SSH2: variants seen among roughly 807,000 people sequenced by gnomAD.
SSH2 encodes protein phosphatase Slingshot homolog 2.
Under a neutral mutation model 135.2 loss-of-function variants are expected in SSH2, and 37 were observed. The ratio of observed to expected loss-of-function variants is 0.27; its 90% confidence interval spans 0.21 to 0.36. SSH2 has a LOEUF of 0.36. Among genes scored for constraint, SSH2 ranks in the 10% least tolerant of loss-of-function variants. The pLI, the probability that SSH2 is intolerant of heterozygous loss-of-function variation, is 1.00. For synonymous variants in SSH2, 628 were observed against 646.2 expected (o/e 0.97, Z 0.43); for missense variants, 1,408 against 1,765.3 (o/e 0.80, Z 3.63).
chr17:29,736,814 AAT>A lies in SSH2; in HGVS notation c.189-33754_189-33753del, dbSNP rs1555623758. Among the ~76,000 whole-genome samples the A allele has an allele frequency of 1.3e-4, 17 of 128,124 alleles. 2 individuals are homozygous for A. The highest frequency in any genetic ancestry group is 5.1e-4 in the African/African-American group (17 of 33,032). The allele number at this position is 128,124 out of a possible 152,430, so 84.1% of individuals were successfully genotyped here. A position where few individuals can be genotyped will look rare whatever the true frequency, so the allele number is the denominator to read the frequency against. The stretch of plus-strand genomic sequence containing the variant: ...AAAAAAAAAAAAAAAAAAAAAAAAA[AAT>A]GGGCCGGGCATGGTGGCTCACGCCT... On this transcript the variant is annotated intron_variant, in intron 3 of 15. Transcript: ENST00000540801.
At chr17:29,735,696 CAAAAAAA>C (rs1246276444) in intron 3 of SSH2, among the ~76,000 whole-genome samples, 8 of 48,678 alleles carry the variant, frequency 1.6e-4, no homozygotes, top group East Asian at 5.8e-4. Context: ...GATTCTGTCT[CAAAAAAA>C]AAAAAAAAAA....
At chr17:29,871,578 G>A (rs2151421473) in intron 1 of SSH2, among the ~76,000 whole-genome samples, 1 of 152,134 alleles carries the variant, frequency 6.6e-6, no homozygotes, top group African/African-American at 2.4e-5. Context: ...AGTGCTTTCT[G>A]ATTCATTTGA....
chr17:29,688,149 T>G (rs1434596054), intron 5 of SSH2, among the ~76,000 whole-genome samples: 1 of 151,848 alleles, frequency 6.6e-6, no homozygotes, highest in East Asian at 1.9e-4. Flanking sequence ...TAAACGGGAT[T>G]ACGGGCACCT....
rs528462288 is a variant in SSH2 at position 29,775,518 on chromosome 17, A to G, written c.188+18376T>C. ...GAATTAGCATCAAATTCACTAAAAC[A>G]TTTTTCTTTTAATCAGTGAGGAAAC... On this transcript the variant is annotated intron_variant, in intron 3 of 15. Transcript: ENST00000540801. 7.2e-5 allele frequency among the ~76,000 whole-genome samples: 11 copies of G among 152,108 alleles called. No homozygotes were observed. In the South Asian group the frequency reaches 2.3e-3, roughly 32 times the overall value.
intron 12 of SSH2, 64 bp from the exon 13 acceptor site, chr17:29,650,864 G>GT (rs1322005295): frequency 7.2e-5 from 97 of 1,351,352 alleles, no homozygotes; most frequent in Non-Finnish European, 9.3e-5. Flanking sequence ...TCCCAGCACT[G>GT]TTTTTTCTTA....
rs566114209 is a variant in SSH2, at chr17:29,808,286, G to A, written c.145-14349C>T. On this transcript the variant is annotated intron_variant, in intron 2 of 15. Coordinates refer to ENST00000540801, the MANE Select transcript of SSH2 (RefSeq NM_001282129.2). ...AGGGATTACAGGCGCCCGCCATCACGCCTGGCTAATTTTTGTACTTTTAGT... is the reference window on the plus strand; with the variant it reads ...AGGGATTACAGGCGCCCGCCATCACACCTGGCTAATTTTTGTACTTTTAGT... Among the ~76,000 whole-genome samples the A allele has an allele frequency of 1.8e-4, 28 of 152,232 alleles. 1 individual carries two copies. In the South Asian group the frequency reaches 4.4e-3, roughly 24 times the overall value.
At chr17:29,929,025 A>T (rs1324732622) in intron 1 of SSH2, among the ~76,000 whole-genome samples, 1 of 152,180 alleles carries the variant, frequency 6.6e-6, no homozygotes, top group African/African-American at 2.4e-5. Flanking sequence ...GGTGCAATAT[A>T]TTGTTTTTAA....
At chr17:29,876,698 C>T (rs1280408706) in intron 1 of SSH2, among the ~76,000 whole-genome samples, 2 of 152,096 alleles carry the variant, frequency 1.3e-5, no homozygotes, top group East Asian at 3.8e-4. Context: ...CTCTATCTCT[C>T]ACCACATAAA....
intron 5 of SSH2, 92 bp from the exon 6 acceptor site, chr17:29,684,776 C>T (rs2038141768): frequency 8.2e-7 from 1 of 1,224,378 alleles, no homozygotes; most frequent in South Asian, 1.5e-5. Context: ...TTAAAGCATA[C>T]TCACGAAGGC....
rs1301971433 is a variant in SSH2, at chr17:29,632,179, T to G, written c.3015A>C (p.Thr1005=). 3 of 1,613,964 alleles carry G rather than the reference T, an allele frequency of 1.9e-6. No homozygotes were observed. Among genetic ancestry groups the G allele is most frequent in the Non-Finnish European group, 2.5e-6 (3 of 1,179,994 alleles). The stretch of plus-strand genomic sequence containing the variant: ...GATCCTTCAGGACTCCTTCCTGCTG[T>G]GTTCCAGTATCTGACCCTGGGCCCT... ...PQEGPGSDTG[T]QQEGVLKDLR... Residue 1005 remains threonine (T), a synonymous_variant, in exon 16 of 16, where the codon ACA becomes ACC. Transcript: ENST00000540801.
chr17:29,927,862 A>G (rs772433255), intron 1 of SSH2, among the ~76,000 whole-genome samples: 3 of 152,222 alleles, frequency 2.0e-5, no homozygotes, highest in Non-Finnish European at 4.4e-5. Flanking sequence ...TAGAAATATT[A>G]GTGATTTTGC....
intron 1 of SSH2, among the ~76,000 whole-genome samples, chr17:29,908,159 C>G (rs984295402): frequency 5.9e-5 from 9 of 152,014 alleles, no homozygotes; most frequent in African/African-American, 2.2e-4. Context: ...CTAAATTTTT[C>G]ACTAAACATT....
intron 6 of SSH2, among the ~76,000 whole-genome samples, chr17:29,679,982 T>C (rs1416488677): frequency 6.6e-6 from 1 of 152,164 alleles, no homozygotes. Flanking sequence ...CATCTTGAAC[T>C]GTGAATAATA....
intron 8 of SSH2, among the ~76,000 whole-genome samples, chr17:29,672,530 A>G (rs896506685): frequency 3.9e-5 from 6 of 152,228 alleles, no homozygotes; most frequent in Middle Eastern, 3.2e-3. Flanking sequence ...GTTACAGCAT[A>G]TATTTTCTGT....
chr17:29,635,126 A>T (rs912400797), intron 15 of SSH2, among the ~76,000 whole-genome samples: 2 of 147,202 alleles, frequency 1.4e-5, no homozygotes, highest in Non-Finnish European at 3.0e-5. Flanking sequence ...CTGGTCTCGA[A>T]CTCCTGACCT....
chr17:29,632,872 A>G lies in SSH2; in HGVS notation c.2322T>C (p.Ile774=). The change falls in exon 16 of 16, where the codon ATT becomes ATC. Residue 774 remains isoleucine (I), a synonymous_variant. Transcript: ENST00000540801. ...TTTCAGTGACAATTTCTTTGACTGAAATTGCATTTTCCGAGTGAGACTGCA... is the reference window on the plus strand; with the variant it reads ...TTTCAGTGACAATTTCTTTGACTGAGATTGCATTTTCCGAGTGAGACTGCA... ...IFMQSHSENA[I]SVKEIVTEIE... is the part of the protein sequence containing the mutation. 2.5e-6 allele frequency: 4 copies of G among 1,614,134 alleles called. No individual in the cohort carries two copies. The highest frequency in any genetic ancestry group is 3.4e-6 in the Non-Finnish European group (4 of 1,180,006).
rs2035733789 is a variant in SSH2 at position 29,632,634 on chromosome 17, C to A, written c.2560G>T (p.Gly854Cys). ...AKDSGMCNPE[G>C]CLTTHSSIAD... ...ATAGATGAGTGTGTGGTTAGGCAGCCTTCTGGGTTGCACATCCCTGAGTCT... is the reference window on the plus strand; with the variant it reads ...ATAGATGAGTGTGTGGTTAGGCAGCATTCTGGGTTGCACATCCCTGAGTCT... The change falls in exon 16 of 16, where the codon GGC becomes TGC. Residue 854 changes from glycine (G) to cysteine (C), a missense_variant. Physicochemically the swap from Gly to Cys is radical, Grantham distance 159. This residue lies in a region of SSH2 where 1,080 missense variants were observed against 1,144.5 expected (regional missense o/e 0.94). Transcript: ENST00000540801. The A allele has an allele frequency of 6.2e-7, 1 of 1,614,018 alleles. No individual in the cohort carries two copies. The highest frequency in any genetic ancestry group is 8.5e-7 in the Non-Finnish European group (1 of 1,180,034).
chr17:29,715,549 T>TTTCTTAACTG (rs1447996465), intron 3 of SSH2, among the ~76,000 whole-genome samples: 12 of 152,090 alleles, frequency 7.9e-5, no homozygotes, highest in Admixed American at 2.6e-4. Flanking sequence ...CTAGCCTCCA[T>TTTCTTAACTG]GTCCTATTTC....
At chr17:29,677,883 T>C (rs1305433712) in intron 6 of SSH2, 142 bp from the exon 7 acceptor site, 4 of 626,826 alleles carry the variant, frequency 6.4e-6, no homozygotes, top group Admixed American at 5.9e-5. Context: ...ATTTCTATCA[T>C]ATTATTATTA....
Sources: gnomAD v4.1 joint callset for allele counts (sites outside exome capture counted in the v4.1 genomes callset) on GRCh38, gnomAD v4.1.1 for gene constraint, gnomAD v4.1.1 regional missense constraint, MANE v1.5 for transcripts, NCBI Gene and HGNC (gene_info 2026-07-23, HGNC 2026-07-21) for gene names.